The following OAT variants were observed in gnomAD, a reference collection of about 807,000 sequenced individuals.
OAT encodes ornithine aminotransferase.
OAT carries 35 observed loss-of-function variants against 48.4 expected under a neutral mutation model. The ratio of observed to expected loss-of-function variants is 0.72; its 90% confidence interval spans 0.55 to 0.96. The LOEUF (loss-of-function observed/expected upper bound fraction) is 0.96, where lower values mean the gene tolerates loss of function less well. Among genes scored for constraint, OAT ranks in the 40% least tolerant of loss-of-function variants. The pLI, the probability that OAT is intolerant of heterozygous loss-of-function variation, is 0.00. For missense variants in OAT, 438 were observed against 537.9 expected (o/e 0.81, Z 1.84); for synonymous variants, 182 against 198.4 (o/e 0.92, Z 0.70).
rs117884730 is a variant in OAT, at chr10:124,405,972, G to A, written c.521-409C>T. 7,008 of 1,089,756 alleles carry A rather than the reference G, an allele frequency of 6.4e-3. 30 individuals are homozygous for A. The highest frequency in any genetic ancestry group is 7.2e-3 in the Non-Finnish European group (6,456 of 892,420). 67.5% of individuals were successfully genotyped at this position (1,089,756 alleles called of 1,614,324 possible). The stretch of plus-strand genomic sequence containing the variant: ...AGAATATCCTTCATAGACAATTAGC[G>A]GTTTTCCTTTCAAAACTCCAATACT... On this transcript the variant is annotated intron_variant, in intron 4 of 9. Coordinates refer to ENST00000368845, the MANE Select transcript of OAT (RefSeq NM_000274.4).
At chr10:124,405,303 A>C in intron 5 of OAT, 133 bp downstream of exon 5, 2 of 1,325,576 alleles carry the variant, frequency 1.5e-6, no homozygotes, top group South Asian at 1.2e-5. Flanking sequence ...TACTGAGAAC[A>C]AGTCTGAAAT....
intron 1 of OAT, among the ~76,000 whole-genome samples, chr10:124,412,754 G>A (rs1020689216): frequency 3.9e-5 from 6 of 152,152 alleles, no homozygotes; most frequent in Non-Finnish European, 7.3e-5. Flanking sequence ...GGCCAGCCTG[G>A]GCAACAGAGT....
chr10:124,407,366 G>A, intron 4 of OAT: 2 of 984,272 alleles, frequency 2.0e-6, no homozygotes, highest in Non-Finnish European at 2.4e-6. Context: ...TCAATACTCA[G>A]GTGAAAACAT....
At position 124,397,977 on chromosome 10, in the gene OAT, T is replaced by G. The variant is rs1477230580; in HGVS notation, c.1285A>C (p.Ile429Leu). 1.2e-6 allele frequency: 2 copies of G among 1,613,784 alleles called. No individual in the cohort carries two copies. Among genetic ancestry groups the G allele is most frequent in the Admixed American group, 1.7e-5 (1 of 60,002 alleles). ...VIKEDELRES[I>L]EIINKTILSF ...AAGATGGTCTTGTTAATAATTTCAA[T>G]GGACTCTCGAAGCTCATCCTCCTTG... The change falls in exon 10 of 10, where the codon ATT (isoleucine) becomes CTT (leucine). Residue 429 changes from isoleucine to leucine, a missense_variant. Coordinates refer to ENST00000368845, the MANE Select transcript of OAT (RefSeq NM_000274.4).
chr10:124,417,180 T>C (rs541524903), intron 1 of OAT, among the ~76,000 whole-genome samples: 1 of 151,718 alleles, frequency 6.6e-6, no homozygotes, highest in Non-Finnish European at 1.5e-5. Flanking sequence ...AAAATGTCTT[T>C]TAAAAATGTT....
At chr10:124,417,952 C>T (rs571301128) in intron 1 of OAT, among the ~76,000 whole-genome samples, 85 of 152,346 alleles carry the variant, frequency 5.6e-4, no homozygotes, top group African/African-American at 2.0e-3. Context: ...GGTCACAGGG[C>T]GAGTGCCCAG....
At position 124,400,975 on chromosome 10, in the gene OAT, C is replaced by T. The variant is rs759152506; in HGVS notation, c.1024G>A (p.Glu342Lys). The T allele has an allele frequency of 6.2e-7, 1 of 1,610,374 alleles. No homozygotes were observed. The highest frequency in any genetic ancestry group is 1.1e-5 in the South Asian group (1 of 90,798). Residue 342 changes from glutamate to lysine, a missense_variant, in exon 9 of 10, where the codon GAA becomes AAA. Physicochemically the swap from Glu to Lys is moderately conservative, Grantham distance 56. Coordinates refer to ENST00000368845, the MANE Select transcript of OAT (RefSeq NM_000274.4). ...TCTGCATTTTCAGCAAGGTTTTCTT[C>T]TTCTAAAACCTACGTTTAAAGAAAA... is the stretch of plus-strand genomic sequence containing the variant. ...VAIAALEVLEEENLAENADKL... is the reference protein window; with the variant it reads ...VAIAALEVLEKENLAENADKL...
In OAT at chr10:124,411,543, C is replaced by T. The variant is rs1275254077; in HGVS notation, c.199+430G>A. On this transcript the variant is annotated intron_variant, in intron 2 of 9. Coordinates refer to ENST00000368845, the MANE Select transcript of OAT (RefSeq NM_000274.4). ...TCAATAAATGAATTAACTGGCCAGG[C>T]GTGGTGGCTCACACCTGTAATCCCA... 7.2e-5 allele frequency among the ~76,000 whole-genome samples: 11 copies of T among 152,122 alleles called. 1 individual carries two copies. Among genetic ancestry groups the T allele is most frequent in the Admixed American group, 5.9e-4 (9 of 15,264 alleles).
intron 1 of OAT, among the ~76,000 whole-genome samples, chr10:124,412,750 C>T (rs1589717829): frequency 6.6e-6 from 1 of 152,156 alleles, no homozygotes; most frequent in African/African-American, 2.4e-5. Context: ...TTGAGGCCAG[C>T]CTGGGCAACA....
At chr10:124,398,136 G>T in intron 9 of OAT, 34 bp from the exon 10 acceptor site, 2 of 1,612,034 alleles carry the variant, frequency 1.2e-6, no homozygotes, top group Non-Finnish European at 1.7e-6. Context: ...CATGCTCAAA[G>T]ATAAACGTTT....
In OAT at chr10:124,397,937, T is replaced by C. The variant is rs1310130862; in HGVS notation, c.*5A>G. On this transcript the variant is annotated 3_prime_UTR_variant, in exon 10 of 10. Transcript: ENST00000368845. ...CCAGGGACCACTGAAAACAGCTGGC[T>C]ACCCTCAGAAAGACAAGATGGTCTT... 6.2e-7 allele frequency: 1 copy of C among 1,613,744 alleles called. No homozygotes were observed. Among genetic ancestry groups the C allele is most frequent in the Admixed American group, 1.7e-5 (1 of 60,020 alleles).
chr10:124,405,844 T>G (rs1951560442), intron 4 of OAT: 1 of 1,224,802 alleles, frequency 8.2e-7, no homozygotes, highest in Admixed American at 3.6e-5. Context: ...ATAGATAACT[T>G]ACTTTTCTTT....
chr10:124,413,309 CAT>C (rs1268341347), intron 1 of OAT, among the ~76,000 whole-genome samples: 28,321 of 128,362 alleles, frequency 0.22, 2,895 homozygotes, highest in Middle Eastern at 0.32. Flanking sequence ...CACACACACA[CAT>C]ATATGAGATT....
intron 9 of OAT, among the ~76,000 whole-genome samples, chr10:124,400,022 T>C (rs1272161341): frequency 1.3e-5 from 2 of 152,220 alleles, no homozygotes; most frequent in African/African-American, 2.4e-5. Flanking sequence ...ATTGGTTAAA[T>C]GTGCCTTCAT....
chr10:124,402,759 A>G (rs1263528572), intron 7 of OAT, among the ~76,000 whole-genome samples, 168 bp downstream of exon 7: 2 of 152,218 alleles, frequency 1.3e-5, no homozygotes, highest in African/African-American at 2.4e-5. Flanking sequence ...TGGGTCACAC[A>G]CTGGTCCCTT....
At position 124,412,144 on chromosome 10, in the gene OAT, T is replaced by C. The variant is rs752414979; in HGVS notation, c.28A>G (p.Arg10Gly). The change falls in exon 2 of 10, where the codon AGG becomes GGG. Residue 10 changes from arginine (R) to glycine (G), a missense_variant. Physicochemically the swap from Arg to Gly is moderately radical, Grantham distance 125. Transcript: ENST00000368845. MFSKLAHLQ[R>G]FAVLSRGVHS... ...ACTCCGCGACTAAGTACAGCAAACC[T>C]CTGCAAATGTGCTAGTTTGGAAAAC... The C allele has an allele frequency of 3.1e-6, 5 of 1,613,996 alleles. No homozygotes were observed. The highest frequency in any genetic ancestry group is 4.2e-6 in the Non-Finnish European group (5 of 1,180,016).
intron 5 of OAT, among the ~76,000 whole-genome samples, chr10:124,404,556 C>T (rs112323925): frequency 0.037 from 5,648 of 151,910 alleles, 343 homozygotes; most frequent in African/African-American, 0.13. Context: ...CAAAGTGCTG[C>T]GATTACAGGC....
intron 4 of OAT, chr10:124,407,239 C>G (rs1186261061): frequency 1.0e-6 from 1 of 985,346 alleles, no homozygotes; most frequent in Non-Finnish European, 1.2e-6. Flanking sequence ...CCTATTTGCT[C>G]TCCCCTGCCT....
chr10:124,413,267 TACACACACACACAC>T (rs58272470), intron 1 of OAT, among the ~76,000 whole-genome samples: 3,070 of 134,668 alleles, frequency 0.023, 104 homozygotes, highest in African/African-American at 0.077. Flanking sequence ...CATAAATACA[TACACACACACACAC>T]ACACACACAC....
Sources: gnomAD v4.1 joint callset for allele counts (sites outside exome capture counted in the v4.1 genomes callset) on GRCh38, gnomAD v4.1.1 for gene constraint, MANE v1.5 for transcripts, NCBI Gene and HGNC (gene_info 2026-07-23, HGNC 2026-07-21) for gene names.